LRRC7: variants seen among roughly 807,000 people sequenced by gnomAD.
LRRC7 encodes leucine rich repeat containing 7, also known as leucine-rich repeat-containing protein 7.
A neutral mutation model predicts 175.7 loss-of-function variants in LRRC7; 23 were observed. The ratio of observed to expected loss-of-function variants is 0.13; its 90% CI spans 0.09 to 0.19. The LOEUF (loss-of-function observed/expected upper bound fraction) is 0.19. Among genes scored for constraint, LRRC7 ranks in the 10% least tolerant of loss-of-function variants. LRRC7 has a pLI of 1.00. For synonymous variants in LRRC7, 685 were observed against 680.9 expected (o/e 1.01, Z -0.09); for missense variants, 1,354 against 1,904.7 (o/e 0.71, Z 5.38).
chr1:69,941,287 G>T (rs1268574507), intron 8 of LRRC7, among the ~76,000 whole-genome samples: 1 of 152,088 alleles, frequency 6.6e-6, no homozygotes, highest in Non-Finnish European at 1.5e-5. Context: ...GGAAGGGTTT[G>T]AGCAAGTAGA....
intron 1 of LRRC7, among the ~76,000 whole-genome samples, chr1:69,569,085 TCA>T (rs752454209): frequency 6.5e-4 from 96 of 148,672 alleles, no homozygotes; most frequent in Non-Finnish European, 1.2e-3. Context: ...ACACACACAC[TCA>T]CACACACTTG....
chr1:70,030,923 G>C lies in LRRC7; in HGVS notation c.1995+2552G>C, dbSNP rs539523230. 2.2e-3 allele frequency among the ~76,000 whole-genome samples: 329 copies of C among 152,258 alleles called. 3 individuals are homozygous for C. Among genetic ancestry groups the C allele is most frequent in the African/African-American group, 7.6e-3 (316 of 41,564 alleles). On this transcript the variant is annotated intron_variant, in intron 18 of 26. Transcript: ENST00000651989. ...GAGCCATAAGAAAAAGGAGGACAGG[G>C]AGATTTTCCTTTATAATGCCTTGTG... is the stretch of plus-strand genomic sequence containing the variant.
chr1:69,822,578 A>G (rs1177342369), intron 4 of LRRC7, among the ~76,000 whole-genome samples: 3 of 152,172 alleles, frequency 2.0e-5, no homozygotes, highest in Admixed American at 2.0e-4. Flanking sequence ...TCAGTATTCT[A>G]AGTGGGGCAA....
At chr1:69,658,156 A>G (rs1177737854) in intron 1 of LRRC7, among the ~76,000 whole-genome samples, 7 of 151,934 alleles carry the variant, frequency 4.6e-5, no homozygotes, top group African/African-American at 4.8e-5. Context: ...TGTGAATCCT[A>G]TCTTTGCTAC....
At chr1:69,853,056 C>T (rs1458151356) in intron 7 of LRRC7, among the ~76,000 whole-genome samples, 1 of 152,068 alleles carries the variant, frequency 6.6e-6, no homozygotes, top group Non-Finnish European at 1.5e-5. Context: ...ATCTTTAAGT[C>T]ATCCCTGATG....
chr1:69,910,212 T>G (rs961757064), intron 7 of LRRC7, among the ~76,000 whole-genome samples: 10 of 152,206 alleles, frequency 6.6e-5, no homozygotes, highest in African/African-American at 2.4e-4. Flanking sequence ...CGTCCAGCTT[T>G]GTTCCGTTGC....
intron 18 of LRRC7, among the ~76,000 whole-genome samples, 166 bp from the exon 19 acceptor site, chr1:70,035,955 T>C (rs61782627): frequency 2.6e-5 from 4 of 152,158 alleles, no homozygotes; most frequent in Admixed American, 1.3e-4. Context: ...AAAAAAAATT[T>C]AATGCTTAAC....
intron 23 of LRRC7, among the ~76,000 whole-genome samples, chr1:70,067,238 AC>A (rs781750484): frequency 5.0e-4 from 76 of 151,842 alleles, no homozygotes; most frequent in Non-Finnish European, 8.4e-4. Flanking sequence ...CTGTAGCTTG[AC>A]TTTTTTTTCA....
At chr1:70,043,536 T>A (rs1660089322) in intron 21 of LRRC7, among the ~76,000 whole-genome samples, 1 of 152,174 alleles carries the variant, frequency 6.6e-6, no homozygotes, top group Non-Finnish European at 1.5e-5. Flanking sequence ...TATTTGTCTT[T>A]CACAAGTGAT....
intron 7 of LRRC7, among the ~76,000 whole-genome samples, chr1:69,840,826 C>G (rs1347418936): frequency 6.6e-6 from 1 of 151,934 alleles, no homozygotes; most frequent in Non-Finnish European, 1.5e-5. Context: ...CTGTAAATAA[C>G]TAGATTGCCA....
At chr1:69,836,709 A>T (rs1388423603) in intron 6 of LRRC7, among the ~76,000 whole-genome samples, 1 of 151,980 alleles carries the variant, frequency 6.6e-6, no homozygotes. Flanking sequence ...AGCCAAAATC[A>T]GTACAAAATA....
chr1:69,927,538 C>T (rs915860580), intron 7 of LRRC7, among the ~76,000 whole-genome samples: 13 of 152,170 alleles, frequency 8.5e-5, no homozygotes, highest in African/African-American at 2.9e-4. Flanking sequence ...AACTTCCCTT[C>T]TCACTTCATT....
At chr1:70,049,406 C>G (rs1295262611) in intron 22 of LRRC7, among the ~76,000 whole-genome samples, 2 of 152,076 alleles carry the variant, frequency 1.3e-5, no homozygotes, top group African/African-American at 2.4e-5. Flanking sequence ...GACTTAGTGG[C>G]TTATTTAATG....
At chr1:69,647,798 A>G (rs1355936389) in intron 1 of LRRC7, among the ~76,000 whole-genome samples, 1 of 152,156 alleles carries the variant, frequency 6.6e-6, no homozygotes, top group African/African-American at 2.4e-5. Flanking sequence ...ACTTTAGACT[A>G]CATGCTACAT....
intron 7 of LRRC7, among the ~76,000 whole-genome samples, chr1:69,885,703 G>GATGTT (rs1687116414): frequency 8.4e-6 from 1 of 118,944 alleles, no homozygotes; most frequent in Admixed American, 8.6e-5. Flanking sequence ...TTTTAATTGT[G>GATGTT]ATGTTAGGGT....
At chr1:69,947,503 CAACTT>C (rs1352053801) in intron 8 of LRRC7, among the ~76,000 whole-genome samples, 1 of 151,974 alleles carries the variant, frequency 6.6e-6, no homozygotes, top group Non-Finnish European at 1.5e-5. Context: ...AAGCTGATAA[CAACTT>C]AACTTCAATC....
chr1:69,745,266 A>G (rs186639126), intron 2 of LRRC7, among the ~76,000 whole-genome samples: 87 of 152,118 alleles, frequency 5.7e-4, no homozygotes, highest in Non-Finnish European at 9.6e-4. Flanking sequence ...CATAACAAAT[A>G]AAGATACAGA....
intron 25 of LRRC7, among the ~76,000 whole-genome samples, chr1:70,094,757 A>C (rs17131197): frequency 0.025 from 3,866 of 152,302 alleles, 190 homozygotes; most frequent in African/African-American, 0.09. Context: ...ACTCAGAGGC[A>C]TGCGGGGCAA....
intron 2 of LRRC7, among the ~76,000 whole-genome samples, chr1:69,729,308 AT>A (rs1340476053): frequency 6.6e-6 from 1 of 152,192 alleles, no homozygotes; most frequent in Non-Finnish European, 1.5e-5. Context: ...GTCTTCACTT[AT>A]TCCAGCATTA....
Sources: allele counts gnomAD v4.1 joint callset (sites outside exome capture counted in the v4.1 genomes callset), GRCh38; gene constraint gnomAD v4.1.1; transcripts MANE v1.5; gene names NCBI Gene and HGNC (gene_info 2026-07-23, HGNC 2026-07-21).